Variants in TESMIN observed in about 807,000 individuals in gnomAD.
The protein encoded by TESMIN is testis expressed metallothionein like protein.
A neutral mutation model predicts 47.4 loss-of-function variants in TESMIN; 34 were observed. That is an observed-to-expected ratio of 0.72 (90% CI 0.55 to 0.96). The LOEUF (loss-of-function observed/expected upper bound fraction) is 0.96, where lower values mean the gene tolerates loss of function less well. Ranked by LOEUF, TESMIN falls within the 40% of genes least tolerant of loss-of-function variation. TESMIN has a pLI of 0.00. For synonymous variants in TESMIN, 278 were observed against 258.9 expected (o/e 1.07, Z -0.71); for missense variants, 610 against 637.2 (o/e 0.96, Z 0.46).
At position 68,750,575 on chromosome 11, in the gene TESMIN, G is replaced by T; in HGVS notation, c.86C>A (p.Ala29Asp). 1 of 1,607,906 alleles carries T rather than the reference G, an allele frequency of 6.2e-7. No individual in the cohort carries two copies. The highest frequency in any genetic ancestry group is 8.5e-7 in the Non-Finnish European group (1 of 1,178,044). ...GGCCTTCAGGCCGATGTTCTCCGAA[G>T]CGAACGGACCCTCGGGGCTTAAGAG... ...TELLSPEGPFASENIGLKAPV... is the reference protein window; with the variant it reads ...TELLSPEGPFDSENIGLKAPV... The change falls in exon 2 of 10, where the codon GCT (alanine) becomes GAT (aspartate). Residue 29 changes from alanine (A) to aspartate (D), a missense_variant. Ala to Asp is a moderately radical substitution (Grantham distance 126). Transcript: ENST00000255087.
At chr11:68,726,531 G>A (rs1434282582) in intron 6 of TESMIN, among the ~76,000 whole-genome samples, 4 of 152,142 alleles carry the variant, frequency 2.6e-5, no homozygotes, top group Non-Finnish European at 5.9e-5. Context: ...TTCAAGAGAT[G>A]AAACAAACAC....
At chr11:68,710,283 A>G (rs1252995437) in intron 9 of TESMIN, among the ~76,000 whole-genome samples, 1 of 152,238 alleles carries the variant, frequency 6.6e-6, no homozygotes, top group African/African-American at 2.4e-5. Flanking sequence ...TGATATGACC[A>G]TTACATTGAA....
chr11:68,706,022 C>CAA (rs11306603), downstream of TESMIN, among the ~76,000 whole-genome samples: 294 of 84,034 alleles, frequency 3.5e-3, no homozygotes, highest in East Asian at 4.0e-3. Context: ...GACTCCGTCT[C>CAA]AAAAAAAAAA....
Position 68,708,135 on chromosome 11 carries a change from A to G in TESMIN, c.*173T>C. ...CTCAGGCCATGCACCTCCTCAGAAA[A>G]GGGGGCATGGGTTGCCACATCTTCA... On this transcript the variant is annotated 3_prime_UTR_variant, in exon 10 of 10. Transcript: ENST00000255087. 1 of 617,630 alleles carries G rather than the reference A, an allele frequency of 1.6e-6. No homozygotes were observed. The highest frequency in any genetic ancestry group is 2.8e-6 in the Non-Finnish European group (1 of 355,766). The allele number at this position is 617,630 out of a possible 1,614,324, so 38.3% of individuals were successfully genotyped here. A position where few individuals can be genotyped will look rare whatever the true frequency, so the allele number is the denominator to read the frequency against.
At chr11:68,709,351 CCTCCCCG>C (rs1946035248) in intron 9 of TESMIN, among the ~76,000 whole-genome samples, 1 of 152,204 alleles carries the variant, frequency 6.6e-6, no homozygotes, top group African/African-American at 2.4e-5. Context: ...GTCTGCCTGT[CCTCCCCG>C]CAGGCCCACG....
chr11:68,750,248 A>T lies in TESMIN; in HGVS notation c.413T>A (p.Leu138Ter). Residue 138 changes from leucine to a stop codon, truncating the protein, a stop_gained, in exon 2 of 10, where the codon TTG becomes TAG. Transcript: ENST00000255087. LOFTEE classifies it high-confidence loss of function. ...LLPAHRSPAV[L>*]PLGAWVLEGA... ...TTCCAGGACCCAGGCGCCCAGGGGC[A>T]ACACCGCCGGGCTGCGGTGCGCGGG... 1 of 1,537,336 alleles carries T rather than the reference A, an allele frequency of 6.5e-7. No homozygotes were observed. The highest frequency in any genetic ancestry group is 1.2e-5 in the South Asian group (1 of 81,728).
intron 9 of TESMIN, 90 bp from the exon 10 acceptor site, chr11:68,708,590 A>T (rs1946024817): frequency 8.5e-7 from 1 of 1,182,510 alleles, no homozygotes; most frequent in African/African-American, 1.6e-5. Flanking sequence ...TTGCTTGTCC[A>T]TGCTATTTTA....
At chr11:68,709,514 A>G (rs1343718934) in intron 9 of TESMIN, among the ~76,000 whole-genome samples, 1 of 152,230 alleles carries the variant, frequency 6.6e-6, no homozygotes, top group Non-Finnish European at 1.5e-5. Flanking sequence ...AGCGCCAGCT[A>G]TTCTCCCCAC....
In TESMIN at chr11:68,750,706, C is replaced by A; in HGVS notation, c.-39-7G>T. 1 of 1,368,772 alleles carries A rather than the reference C, an allele frequency of 7.3e-7. No individual in the cohort carries two copies. Among genetic ancestry groups the A allele is most frequent in the Non-Finnish European group, 9.6e-7 (1 of 1,039,398 alleles). The allele number at this position is 1,368,772 out of a possible 1,614,324, so 84.8% of individuals were successfully genotyped here. ...GATGGCGGGGGCCGCGCACCTGCAA[C>A]ACGCGGCCAGGTGAGAGGCAGCCAG... On this transcript the variant is annotated splice_polypyrimidine_tract_variant and splice_region_variant and intron_variant, in intron 1 of 9. Coordinates refer to ENST00000255087, the MANE Select transcript of TESMIN (RefSeq NM_004923.3).
intron 6 of TESMIN, among the ~76,000 whole-genome samples, chr11:68,722,767 A>G (rs1260807372): frequency 6.6e-6 from 1 of 152,206 alleles, no homozygotes; most frequent in Non-Finnish European, 1.5e-5. Context: ...ATGGTGCAGC[A>G]ACATTACCGT....
chr11:68,746,979 C>T (rs1210049220), intron 3 of TESMIN, among the ~76,000 whole-genome samples: 2 of 152,190 alleles, frequency 1.3e-5, no homozygotes, highest in African/African-American at 4.8e-5. Context: ...TTAATGAATA[C>T]AGCAATGTCC....
chr11:68,727,074 A>G (rs898556056), intron 6 of TESMIN, among the ~76,000 whole-genome samples: 1 of 151,954 alleles, frequency 6.6e-6, no homozygotes, highest in African/African-American at 2.4e-5. Flanking sequence ...GTCTCAAAAA[A>G]AAAAAAAATA....
chr11:68,737,475 A>C, intron 6 of TESMIN: 1 of 985,614 alleles, frequency 1.0e-6, no homozygotes, highest in Non-Finnish European at 1.2e-6. Flanking sequence ...CTCTCCTCAC[A>C]CTTACCAAGG....
intron 3 of TESMIN, among the ~76,000 whole-genome samples, chr11:68,746,620 A>C (rs1268374659): frequency 6.6e-6 from 1 of 152,198 alleles, no homozygotes; most frequent in Non-Finnish European, 1.5e-5. Flanking sequence ...AGTCCTTGCC[A>C]CGTGAGATCT....
At chr11:68,738,874 CT>C (rs1346465817) in intron 5 of TESMIN, 86 bp from the exon 6 acceptor site, 12 of 1,155,664 alleles carry the variant, frequency 1.0e-5, no homozygotes, top group Admixed American at 2.0e-5. Context: ...AAAAATGATT[CT>C]TTTTTTCCCT....
intron 5 of TESMIN, 60 bp from the exon 6 acceptor site, chr11:68,738,848 A>G: frequency 7.1e-7 from 1 of 1,406,938 alleles, no homozygotes; most frequent in East Asian, 2.3e-5. Flanking sequence ...AGTTCCAGTC[A>G]GCCAGCCCCC....
At chr11:68,720,860 C>T (rs1946196018) in intron 6 of TESMIN, among the ~76,000 whole-genome samples, 1 of 152,168 alleles carries the variant, frequency 6.6e-6, no homozygotes, top group South Asian at 2.1e-4. Flanking sequence ...AAACAAATTA[C>T]ATCCAATCTG....
In TESMIN at chr11:68,710,870, C is replaced by G; in HGVS notation, c.1334+4G>C. 2 of 1,608,182 alleles carry G rather than the reference C, an allele frequency of 1.2e-6. No individual in the cohort carries two copies. The highest frequency in any genetic ancestry group is 1.7e-6 in the Non-Finnish European group (2 of 1,177,900). On this transcript the variant is annotated splice_donor_region_variant and intron_variant, in intron 9 of 9. Coordinates refer to ENST00000255087, the MANE Select transcript of TESMIN (RefSeq NM_004923.3). The stretch of plus-strand genomic sequence containing the variant: ...ATTAGCAGAGGTTAGTTCAAAGTAC[C>G]TACCTATCGTGACTGAATCTTGGAA...
chr11:68,745,041 G>A lies in TESMIN; in HGVS notation c.701C>T (p.Ala234Val). 6.3e-7 allele frequency: 1 copy of A among 1,590,946 alleles called. No homozygotes were observed. Among genetic ancestry groups the A allele is most frequent in the Non-Finnish European group, 8.5e-7 (1 of 1,172,666 alleles). The stretch of plus-strand genomic sequence containing the variant: ...TTGATACTGAGGAACCAAATGGAGT[G>A]CTTTTAGTTCTCTTGTTCTAGAATT... ...IDNSRTRELK[A>V]LHLVPQYQDQ... The change falls in exon 4 of 10, where the codon GCA becomes GTA. Residue 234 changes from alanine (A) to valine (V), a missense_variant. By Grantham distance (64) the Ala-to-Val change is moderately conservative. Transcript: ENST00000255087.
Sources: gnomAD v4.1 joint callset for allele counts (sites outside exome capture counted in the v4.1 genomes callset) on GRCh38, gnomAD v4.1.1 for gene constraint, MANE v1.5 for transcripts, NCBI Gene and HGNC (gene_info 2026-07-23, HGNC 2026-07-21) for gene names.